Variants in MYO6 observed in about 807,000 individuals in gnomAD.
The protein encoded by MYO6 is myosin VI.
A neutral mutation model predicts 178.7 loss-of-function variants in MYO6; 74 were observed. The ratio of observed to expected loss-of-function variants is 0.41; its 90% CI spans 0.34 to 0.50. The LOEUF (loss-of-function observed/expected upper bound fraction) is 0.50, where lower values mean the gene tolerates loss of function less well. Ranked by LOEUF, MYO6 falls within the 20% of genes least tolerant of loss-of-function variation. MYO6 has a pLI of 0.09. For synonymous variants in MYO6, 477 were observed against 504.6 expected (o/e 0.95, Z 0.73); for missense variants, 1,330 against 1,547.4 (o/e 0.86, Z 2.36).
At chr6:75,881,863 G>A (rs1281023144) in intron 23 of MYO6, 45 bp downstream of exon 23, 1 of 1,608,634 alleles carries the variant, frequency 6.2e-7, no homozygotes, top group Admixed American at 1.7e-5. Flanking sequence ...ATTGTTTCAA[G>A]ATGGTTTGTG....
chr6:75,817,824 G>A (rs1479209448), intron 2 of MYO6, among the ~76,000 whole-genome samples, 160 bp downstream of exon 2: 1 of 152,152 alleles, frequency 6.6e-6, no homozygotes, highest in Non-Finnish European at 1.5e-5. Flanking sequence ...TAAATCAGAG[G>A]TATGTGCCCT....
chr6:75,891,712 T>C (rs1778919579), intron 27 of MYO6, among the ~76,000 whole-genome samples: 1 of 152,208 alleles, frequency 6.6e-6, no homozygotes, highest in South Asian at 2.1e-4. Context: ...ATTTGCTAGA[T>C]AAGCTGTCAC....
intron 30 of MYO6, among the ~76,000 whole-genome samples, chr6:75,904,255 C>T (rs1274668083): frequency 4.0e-5 from 6 of 149,912 alleles, no homozygotes; most frequent in African/African-American, 1.2e-4. Flanking sequence ...TCTGTATTTC[C>T]TGAATCTGAA....
chr6:75,820,786 A>T, intron 2 of MYO6, among the ~76,000 whole-genome samples: 1 of 152,088 alleles, frequency 6.6e-6, no homozygotes, highest in Non-Finnish European at 1.5e-5. Flanking sequence ...CCCCCCATTC[A>T]GTAGAATTGA....
intron 1 of MYO6, among the ~76,000 whole-genome samples, chr6:75,802,554 A>T (rs1228495739): frequency 2.0e-5 from 3 of 148,352 alleles, no homozygotes; most frequent in African/African-American, 7.5e-5. Flanking sequence ...CATGATCATG[A>T]CTCACTAGCC....
intron 15 of MYO6, among the ~76,000 whole-genome samples, chr6:75,861,833 C>T (rs1165803537): frequency 6.6e-6 from 1 of 152,192 alleles, no homozygotes; most frequent in African/African-American, 2.4e-5. Context: ...TTCCTTAACA[C>T]ACGGACCCTT....
chr6:75,792,471 T>C (rs1768345467), intron 1 of MYO6, among the ~76,000 whole-genome samples: 1 of 152,266 alleles, frequency 6.6e-6, no homozygotes, highest in Non-Finnish European at 1.5e-5. Context: ...TTTGTCATTA[T>C]GCCAAAAAAT....
chr6:75,812,947 C>A (rs966602252), intron 1 of MYO6, among the ~76,000 whole-genome samples: 17 of 152,158 alleles, frequency 1.1e-4, no homozygotes, highest in Non-Finnish European at 1.9e-4. Context: ...TGATTCCTTT[C>A]TCTTGAGTTC....
In MYO6 at chr6:75,907,974, A is replaced by G. The variant is rs9447579; in HGVS notation, c.3280+266A>G. Among the ~76,000 whole-genome samples the G allele has an allele frequency of 0.34, 51,410 of 152,086 alleles. 9,596 individuals carry two copies. The highest frequency in any genetic ancestry group is 0.48 in the Admixed American group (7,349 of 15,290). On this transcript the variant is annotated intron_variant, in intron 31 of 34. Transcript: ENST00000369977. The stretch of plus-strand genomic sequence containing the variant: ...TATATCCAGAGGATCCCACATAGTT[A>G]TGTTCTTATTTAAATCACAGTGTTT...
At position 75,754,521 on chromosome 6, in the gene MYO6, A is replaced by AAAAAG. The variant is rs1236954476; in HGVS notation, c.-48+5102_-48+5103insGAAAA. Among the ~76,000 whole-genome samples, 9 of 148,052 alleles carry AAAAAG rather than the reference A, an allele frequency of 6.1e-5. 1 individual carries two copies. The highest frequency in any genetic ancestry group is 3.9e-4 in the East Asian group (2 of 5,120). On this transcript the variant is annotated intron_variant, in intron 1 of 34. Coordinates refer to ENST00000369977, the MANE Select transcript of MYO6 (RefSeq NM_004999.4). ...GACGATTGAGTGAGACTCCGTCTCA[A>AAAAAG]AAAAAAAAAAAAAAAAAAAAAAAAA...
intron 1 of MYO6, among the ~76,000 whole-genome samples, chr6:75,805,268 G>T (rs1769958082): frequency 6.6e-6 from 1 of 151,710 alleles, no homozygotes; most frequent in Non-Finnish European, 1.5e-5. Context: ...GCCTCCCAAA[G>T]TGTTGGGATT....
chr6:75,900,603 G>A (rs1423558906), intron 30 of MYO6, among the ~76,000 whole-genome samples: 1 of 152,082 alleles, frequency 6.6e-6, no homozygotes, highest in African/African-American at 2.4e-5. Flanking sequence ...TTGTAAATTT[G>A]TTTGAGTTCA....
intron 27 of MYO6, among the ~76,000 whole-genome samples, chr6:75,892,219 G>A (rs1030947576): frequency 6.6e-6 from 1 of 152,154 alleles, no homozygotes; most frequent in African/African-American, 2.4e-5. Flanking sequence ...CTCTCTAGGT[G>A]TTAGTGTTAA....
chr6:75,773,409 G>A (rs1195343114), intron 1 of MYO6, among the ~76,000 whole-genome samples: 1 of 152,164 alleles, frequency 6.6e-6, no homozygotes, highest in African/African-American at 2.4e-5. Flanking sequence ...AGACTAATGA[G>A]GTGATTCAGA....
At chr6:75,779,514 T>A (rs539027148) in intron 1 of MYO6, among the ~76,000 whole-genome samples, 24 of 151,858 alleles carry the variant, frequency 1.6e-4, no homozygotes, top group African/African-American at 5.6e-4. Context: ...AAAAAAAAAA[T>A]TCTTAATAAA....
chr6:75,807,868 C>G (rs1023706457), intron 1 of MYO6, among the ~76,000 whole-genome samples: 1 of 152,188 alleles, frequency 6.6e-6, no homozygotes, highest in African/African-American at 2.4e-5. Flanking sequence ...GACCTCCTCT[C>G]TCATCCTGTG....
chr6:75,884,248 A>G (rs1163457564), intron 23 of MYO6, among the ~76,000 whole-genome samples: 1 of 152,226 alleles, frequency 6.6e-6, no homozygotes, highest in Non-Finnish European at 1.5e-5. Context: ...AACTGAAGTT[A>G]AGTAGATTTC....
chr6:75,760,002 TA>T (rs1298057610), intron 1 of MYO6, among the ~76,000 whole-genome samples: 2 of 152,204 alleles, frequency 1.3e-5, no homozygotes, highest in African/African-American at 2.4e-5. Context: ...GTGACTAAAT[TA>T]AAAATATTTT....
intron 5 of MYO6, among the ~76,000 whole-genome samples, chr6:75,831,045 A>C (rs964036124): frequency 2.0e-5 from 3 of 152,178 alleles, no homozygotes; most frequent in Non-Finnish European, 4.4e-5. Flanking sequence ...AAAGTAGTAT[A>C]TGCTTCATAC....
Sources: allele counts gnomAD v4.1 joint callset (sites outside exome capture counted in the v4.1 genomes callset), GRCh38; gene constraint gnomAD v4.1.1; transcripts MANE v1.5; gene names NCBI Gene and HGNC (gene_info 2026-07-23, HGNC 2026-07-21).